PIRT: variants seen among roughly 807,000 people sequenced by gnomAD.
PIRT encodes phosphoinositide-interacting protein.
PIRT carries 6 observed loss-of-function variants against 7.9 expected under a neutral mutation model. That is an observed-to-expected ratio of 0.76 (90% CI 0.42 to 1.51). The LOEUF (loss-of-function observed/expected upper bound fraction) is 1.51. Ranked by LOEUF, PIRT falls within the 40% of genes most tolerant of loss-of-function variation. The probability of loss-of-function intolerance (pLI) is 0.01; values close to 1 mark genes in which losing one functional copy is unlikely to be tolerated. For missense variants in PIRT, 170 were observed against 172.9 expected, an observed-to-expected ratio of 0.98 and a Z score of 0.09; for synonymous variants, 78 against 71.8, an observed-to-expected ratio of 1.09 and a Z score of -0.44.
At chr17:10,833,207 C>T (rs776253063) in intron 1 of PIRT, among the ~76,000 whole-genome samples, 9 of 152,102 alleles carry the variant, frequency 5.9e-5, no homozygotes, top group Non-Finnish European at 1.5e-5. Flanking sequence ...TTGACGTCAT[C>T]AACAAAAACT....
chr17:10,830,284 A>G (rs1451929678), intron 1 of PIRT, among the ~76,000 whole-genome samples: 1 of 152,214 alleles, frequency 6.6e-6, no homozygotes, highest in Non-Finnish European at 1.5e-5. Flanking sequence ...GGAACTCTGT[A>G]CTGGGAAGAA....
chr17:10,828,968 C>T (rs1158155745), intron 1 of PIRT, among the ~76,000 whole-genome samples: 1 of 152,208 alleles, frequency 6.6e-6, no homozygotes, highest in East Asian at 1.9e-4. Context: ...TAACTGTAGG[C>T]ACCCAGTGTG....
At chr17:10,827,018 G>T (rs957590231) in intron 1 of PIRT, among the ~76,000 whole-genome samples, 3 of 151,996 alleles carry the variant, frequency 2.0e-5, no homozygotes, top group African/African-American at 7.3e-5. Context: ...CTCCATATTG[G>T]TCAGGCTGGT....
chr17:10,825,861 C>T, intron 1 of PIRT, 78 bp from the exon 2 acceptor site: 1 of 411,326 alleles, frequency 2.4e-6, no homozygotes, highest in Non-Finnish European at 4.3e-6. Flanking sequence ...TTTTTTCTTG[C>T]AAGAGATAAA....
At chr17:10,828,883 G>A (rs142304172) in intron 1 of PIRT, among the ~76,000 whole-genome samples, 83 of 152,290 alleles carry the variant, frequency 5.5e-4, no homozygotes, top group Admixed American at 5.2e-4. Context: ...CAAGGCCTTC[G>A]GAATTTGGCC....
chr17:10,828,902 G>GT lies in PIRT; in HGVS notation c.-138-3120dup, dbSNP rs369752670. On this transcript the variant is annotated intron_variant, in intron 1 of 1. Coordinates refer to ENST00000580256, the MANE Select transcript of PIRT (RefSeq NM_001101387.2). ...GCCTTCGGAATTTGGCCTTGGTAAT[G>GT]TTACAGTTTGGATCTCTGCTTCCTA... Among the ~76,000 whole-genome samples, 670 of 152,364 alleles carry GT rather than the reference G, an allele frequency of 4.4e-3. 5 individuals carry two copies. The highest frequency in any genetic ancestry group is 0.015 in the African/African-American group (643 of 41,588).
At chr17:10,833,566 A>G (rs984585377) in intron 1 of PIRT, among the ~76,000 whole-genome samples, 1 of 152,170 alleles carries the variant, frequency 6.6e-6, no homozygotes, top group Non-Finnish European at 1.5e-5. Flanking sequence ...CAGCCTGGCC[A>G]ACATGGTGAA....
chr17:10,829,235 G>T (rs909589188), intron 1 of PIRT, among the ~76,000 whole-genome samples: 1 of 152,174 alleles, frequency 6.6e-6, no homozygotes, highest in East Asian at 1.9e-4. Flanking sequence ...AGGCTGGAAA[G>T]GTTGTGATGA....
rs1350524293 is a variant in PIRT, at chr17:10,823,077, T to TG, written c.*2154dup. Reference sequence around the variant, plus strand: ...GAGTGTGGGTTTCCAGTGAGTGATCTGGGGCCCATCCCATTTGCTCCCATT... The same window carrying TG: ...GAGTGTGGGTTTCCAGTGAGTGATCTGGGGGCCCATCCCATTTGCTCCCATT... On this transcript the variant is annotated 3_prime_UTR_variant, in exon 2 of 2. Coordinates refer to ENST00000580256, the MANE Select transcript of PIRT (RefSeq NM_001101387.2). 2.0e-5 allele frequency: 3 copies of TG among 152,214 alleles called. No individual in the cohort carries two copies. The highest frequency in any genetic ancestry group is 7.2e-5 in the African/African-American group (3 of 41,456). 9.4% of individuals were successfully genotyped at this position (152,214 alleles called of 1,614,324 possible).
intron 1 of PIRT, among the ~76,000 whole-genome samples, chr17:10,832,150 G>T (rs1905477235): frequency 6.6e-6 from 1 of 152,116 alleles, no homozygotes. Flanking sequence ...CTTTGGTGGG[G>T]GTAGTGACTG....
At chr17:10,831,549 C>T (rs1197981437) in intron 1 of PIRT, among the ~76,000 whole-genome samples, 3 of 151,962 alleles carry the variant, frequency 2.0e-5, no homozygotes, top group Admixed American at 1.3e-4. Flanking sequence ...AAGGGTTGCT[C>T]GAGGCTGGGA....
At chr17:10,834,444 A>G (rs1318825167) in intron 1 of PIRT, among the ~76,000 whole-genome samples, 1 of 152,148 alleles carries the variant, frequency 6.6e-6, no homozygotes, top group South Asian at 2.1e-4. Context: ...AAGCTCAGAA[A>G]ATTGTTGTGG....
chr17:10,828,745 C>A (rs1905392033), intron 1 of PIRT, among the ~76,000 whole-genome samples: 3 of 152,206 alleles, frequency 2.0e-5, no homozygotes, highest in Admixed American at 2.0e-4. Flanking sequence ...TTCATTCCAA[C>A]CCTCACTGCT....
Sources: allele counts gnomAD v4.1 joint callset (sites outside exome capture counted in the v4.1 genomes callset), GRCh38; gene constraint gnomAD v4.1.1; transcripts MANE v1.5; gene names NCBI Gene and HGNC (gene_info 2026-07-23, HGNC 2026-07-21).